FAM131B: variants seen among roughly 807,000 people sequenced by gnomAD.
FAM131B encodes the protein protein FAM131B.
Under a neutral mutation model 42.0 loss-of-function variants are expected in FAM131B, and 19 were observed. The ratio of observed to expected loss-of-function variants is 0.45; its 90% CI spans 0.32 to 0.66. FAM131B has a LOEUF of 0.66. Ranked by LOEUF, FAM131B falls within the 30% of genes least tolerant of loss-of-function variation. FAM131B has a pLI of 0.05. For missense variants in FAM131B, 370 were observed against 468.4 expected, an observed-to-expected ratio of 0.79 and a Z score of 1.94; for synonymous variants, 183 against 177.6, an observed-to-expected ratio of 1.03 and a Z score of -0.24.
At position 143,358,025 on chromosome 7, in the gene FAM131B, C is replaced by G. The variant is rs1397252815; in HGVS notation, c.467-602G>C. The stretch of plus-strand genomic sequence containing the variant: ...TAGATTTCAAGATCAACAGAGAACC[C>G]CCAAGAGAGCATCGTGGGCTTGTGG... On this transcript the variant is annotated intron_variant, in intron 5 of 6. Transcript: ENST00000443739. This position sits in a 1 kb window ranked among gnomAD's most constrained non-coding sequence, Gnocchi z 4.7. 6.6e-6 allele frequency among the ~76,000 whole-genome samples: 1 copy of G among 152,046 alleles called. No individual in the cohort carries two copies. The highest frequency in any genetic ancestry group is 1.5e-5 in the Non-Finnish European group (1 of 67,998).
At chr7:143,357,681 G>T (rs1473661280) in intron 5 of FAM131B, among the ~76,000 whole-genome samples, 1 of 152,120 alleles carries the variant, frequency 6.6e-6, no homozygotes, top group East Asian at 1.9e-4. Context: ...TTATTAATGA[G>T]ATATTTTACA....
rs2116483482 is a variant in FAM131B, at chr7:143,362,041, A to T, written c.28+535T>A. The T allele has an allele frequency of 1.0e-6, 1 of 984,998 alleles. No homozygotes were observed. The highest frequency in any genetic ancestry group is 1.1e-4 in the East Asian group (1 of 8,798). 61.0% of individuals were successfully genotyped at this position (984,998 alleles called of 1,614,324 possible). A position where few individuals can be genotyped will look rare whatever the true frequency, so the allele number is the denominator to read the frequency against. ...GTGAACAAAGCGAATCGGAGGAGGC[A>T]GGAACGACAGTAAAAGGCAACGGAG... On this transcript the variant is annotated intron_variant, in intron 1 of 6. Coordinates refer to ENST00000443739, the MANE Select transcript of FAM131B (RefSeq NM_001031690.3). The surrounding 1 kb of genome is among the most constrained non-coding windows in gnomAD (Gnocchi z 7.7).
chr7:143,366,827 G>A (rs774435747), upstream of FAM131B, among the ~76,000 whole-genome samples: 1 of 152,116 alleles, frequency 6.6e-6, no homozygotes, highest in Non-Finnish European at 1.5e-5. Flanking sequence ...CAAAGTACTG[G>A]GATTACAGGT....
At chr7:143,380,597 C>T in the FAM131B span, 1 of 985,522 alleles carries the variant, frequency 1.0e-6, no homozygotes, top group Non-Finnish European at 1.2e-6. This position sits in a 1 kb window ranked among gnomAD's most constrained non-coding sequence, Gnocchi z 5.0. Context: ...CCGAACGGTC[C>T]CTCTCGCAAC....
chr7:143,365,743 G>C (rs188790176), upstream of FAM131B, among the ~76,000 whole-genome samples: 1 of 152,194 alleles, frequency 6.6e-6, no homozygotes, highest in Non-Finnish European at 1.5e-5. Context: ...TGGAACTACA[G>C]ACATGTGCCC....
chr7:143,380,823 C>A, the FAM131B span: 1 of 973,712 alleles, frequency 1.0e-6, no homozygotes, highest in South Asian at 4.7e-5. This position sits in a 1 kb window ranked among gnomAD's most constrained non-coding sequence, Gnocchi z 5.0. Context: ...GTTCGGCCAC[C>A]CCAGGCGGAC....
chr7:143,370,342 C>T, the FAM131B span, among the ~76,000 whole-genome samples: 1 of 152,184 alleles, frequency 6.6e-6, no homozygotes, highest in Non-Finnish European at 1.5e-5. Context: ...ACTGAAGCAG[C>T]TCACACGGGG....
At chr7:143,367,446 C>T (rs1804205608), upstream of FAM131B, among the ~76,000 whole-genome samples, 1 of 152,292 alleles carries the variant, frequency 6.6e-6, no homozygotes, top group South Asian at 2.1e-4. Context: ...GTGGCCCACA[C>T]CTGTAATTTC....
At chr7:143,360,604 T>C (rs1328315034) in intron 1 of FAM131B, 1 of 168,902 alleles carries the variant, frequency 5.9e-6, no homozygotes. Context: ...TCTGACTGAC[T>C]GGAAGAGGAC....
the FAM131B span, among the ~76,000 whole-genome samples, chr7:143,371,605 C>T: frequency 9.6e-6 from 1 of 104,130 alleles, no homozygotes; most frequent in Admixed American, 1.4e-4. Context: ...CACCGCAAGA[C>T]CCTGTCTCAA....
chr7:143,358,881 T>C lies in FAM131B; in HGVS notation c.412A>G (p.Thr138Ala). The C allele has an allele frequency of 1.4e-5, 23 of 1,614,136 alleles. No individual in the cohort carries two copies. Among genetic ancestry groups the C allele is most frequent in the Non-Finnish European group, 1.8e-5 (21 of 1,180,026 alleles). ...QHSHESVRRDTDAYSDLSDGE... is the reference protein window; with the variant it reads ...QHSHESVRRDADAYSDLSDGE... ...TCGCTGAGGTCGGAGTAGGCATCCG[T>C]ATCCCTGCGCACGGACTCATGGCTG... Residue 138 changes from threonine to alanine, a missense_variant, in exon 5 of 7, where the codon ACG (threonine) becomes GCG (alanine). By Grantham distance (58) the Thr-to-Ala change is moderately conservative. Transcript: ENST00000443739. This position sits in a 1 kb window ranked among gnomAD's most constrained non-coding sequence, Gnocchi z 4.7.
the FAM131B span, among the ~76,000 whole-genome samples, chr7:143,371,872 G>A: frequency 6.6e-6 from 1 of 152,182 alleles, no homozygotes; most frequent in African/African-American, 2.4e-5. Flanking sequence ...CAGTAACAAG[G>A]CCATTGTGGC....
At chr7:143,380,230 A>AT in the FAM131B span, 2 of 936,758 alleles carry the variant, frequency 2.1e-6, no homozygotes, top group Non-Finnish European at 2.5e-6. The surrounding 1 kb of genome is among the most constrained non-coding windows in gnomAD (Gnocchi z 5.0). Flanking sequence ...TCCCAGTGCA[A>AT]TTAAAAAAAA....
upstream of FAM131B, chr7:143,364,093 A>C (rs1333937317): frequency 6.6e-6 from 1 of 152,238 alleles, no homozygotes; most frequent in African/African-American, 2.4e-5. Flanking sequence ...AATCAGTTGC[A>C]GGTCTGCTTA....
At chr7:143,378,393 A>G in the FAM131B span, among the ~76,000 whole-genome samples, 1 of 152,202 alleles carries the variant, frequency 6.6e-6, no homozygotes, top group Non-Finnish European at 1.5e-5. Context: ...AGTAAAGGGC[A>G]GTGGCCATTT....
chr7:143,359,184 G>T lies in FAM131B; in HGVS notation c.268+142C>A. On this transcript the variant is annotated intron_variant, in intron 4 of 6. Transcript: ENST00000443739. The surrounding 1 kb of genome is among the most constrained non-coding windows in gnomAD (Gnocchi z 5.4). ...GGGGTAGTGGAGGGAATGGCCTGGA[G>T]GATGGGAGGCTTGACAGAAGGGTGA... The T allele has an allele frequency of 9.8e-7, 1 of 1,018,454 alleles. No homozygotes were observed. Among genetic ancestry groups the T allele is most frequent in the Non-Finnish European group, 1.5e-6 (1 of 678,870 alleles). The allele number at this position is 1,018,454 out of a possible 1,614,324, so 63.1% of individuals were successfully genotyped here. A position where few individuals can be genotyped will look rare whatever the true frequency, so the allele number is the denominator to read the frequency against.
intron 6 of FAM131B, 33 bp from the exon 7 acceptor site, chr7:143,357,055 A>G: frequency 6.7e-7 from 1 of 1,502,048 alleles, no homozygotes; most frequent in Non-Finnish European, 9.3e-7. Context: ...CAGTGGGGCC[A>G]CAGAATGTCA....
chr7:143,369,972 C>G, the FAM131B span, among the ~76,000 whole-genome samples: 2 of 152,182 alleles, frequency 1.3e-5, no homozygotes, highest in African/African-American at 4.8e-5. Context: ...CCCACACAGG[C>G]AGGAAGGTCC....
chr7:143,356,772 C>T lies in FAM131B; in HGVS notation c.861G>A (p.Trp287Ter). 1 of 1,614,108 alleles carries T rather than the reference C, an allele frequency of 6.2e-7. No homozygotes were observed. Among genetic ancestry groups the T allele is most frequent in the African/African-American group, 1.3e-5 (1 of 75,030 alleles). The change falls in exon 7 of 7, where the codon TGG becomes TGA. Residue 287 changes from tryptophan to a stop codon, truncating the protein, a stop_gained. Coordinates refer to ENST00000443739, the MANE Select transcript of FAM131B (RefSeq NM_001031690.3). LOFTEE classifies it high-confidence loss of function. This position sits in a 1 kb window ranked among gnomAD's most constrained non-coding sequence, Gnocchi z 4.4. The part of the protein sequence containing the change: ...PPPLLGGDTD[W>*]APGVGAVDLA... ...GGTCCACTGCGCCTACCCCCGGAGC[C>T]CAGTCAGTGTCTCCCCCCAGCAAAG...
Sources: allele counts gnomAD v4.1 joint callset (sites outside exome capture counted in the v4.1 genomes callset), GRCh38; gene constraint gnomAD v4.1.1; non-coding constraint Gnocchi (gnomAD v3.1); transcripts MANE v1.5; gene names NCBI Gene and HGNC (gene_info 2026-07-23, HGNC 2026-07-21).